The following PPP1R16B variants were observed in gnomAD, a reference collection of about 807,000 sequenced individuals.
PPP1R16B encodes protein phosphatase 1 regulatory subunit 16B.
Under a neutral mutation model 61.7 loss-of-function variants are expected in PPP1R16B, and 14 were observed. The observed-to-expected ratio is 0.23, with a 90% CI of 0.15 to 0.35. PPP1R16B has a LOEUF of 0.35. Among genes scored for constraint, PPP1R16B ranks in the 10% least tolerant of loss-of-function variants. The pLI, the probability that PPP1R16B is intolerant of heterozygous loss-of-function variation, is 1.00. For missense variants in PPP1R16B, 547 were observed against 752.5 expected (o/e 0.73, Z 3.19); for synonymous variants, 266 against 305.3 (o/e 0.87, Z 1.34).
chr20:38,886,542 T>C (rs2085246326), intron 2 of PPP1R16B, among the ~76,000 whole-genome samples: 1 of 152,176 alleles, frequency 6.6e-6, no homozygotes, highest in Non-Finnish European at 1.5e-5. Flanking sequence ...ACTGCTCCTC[T>C]CCCAAAAGCC....
chr20:38,908,666 C>G (rs2085465842), intron 10 of PPP1R16B, among the ~76,000 whole-genome samples: 1 of 152,198 alleles, frequency 6.6e-6, no homozygotes, highest in African/African-American at 2.4e-5. Context: ...CTAGTAGGAC[C>G]TCTGAGAAGC....
intron 3 of PPP1R16B, among the ~76,000 whole-genome samples, chr20:38,890,564 TCTTC>T (rs1271893872): frequency 6.6e-6 from 1 of 152,246 alleles, no homozygotes; most frequent in Non-Finnish European, 1.5e-5. Flanking sequence ...CTGAAGGCCC[TCTTC>T]CTTCGTAATT....
intron 1 of PPP1R16B, among the ~76,000 whole-genome samples, chr20:38,815,984 A>G (rs1479810425): frequency 2.0e-5 from 3 of 152,346 alleles, no homozygotes; most frequent in Middle Eastern, 3.4e-3. Context: ...CTCTATATTC[A>G]TTAATATCAC....
At chr20:38,818,289 C>A (rs1237694930) in intron 1 of PPP1R16B, among the ~76,000 whole-genome samples, 1 of 152,160 alleles carries the variant, frequency 6.6e-6, no homozygotes, top group Non-Finnish European at 1.5e-5. Context: ...ACCTGGCACA[C>A]AGTAGAGTCT....
At chr20:38,861,870 T>C (rs536168107) in intron 2 of PPP1R16B, among the ~76,000 whole-genome samples, 1 of 152,094 alleles carries the variant, frequency 6.6e-6, no homozygotes, top group East Asian at 1.9e-4. Flanking sequence ...AGAGACAGGG[T>C]TTCACCATCT....
At chr20:38,891,838 A>G (rs1323670170) in intron 3 of PPP1R16B, among the ~76,000 whole-genome samples, 4 of 151,894 alleles carry the variant, frequency 2.6e-5, no homozygotes, top group Non-Finnish European at 5.9e-5. Context: ...TCCCTGTTTT[A>G]TGGCTCAGGA....
chr20:38,914,139 C>T (rs1356929295), intron 10 of PPP1R16B, among the ~76,000 whole-genome samples: 2 of 151,164 alleles, frequency 1.3e-5, no homozygotes, highest in East Asian at 1.9e-4. Context: ...GCCAAGATTG[C>T]ACCACTGCAC....
At chr20:38,844,870 C>A (rs974975674) in intron 2 of PPP1R16B, among the ~76,000 whole-genome samples, 4 of 151,926 alleles carry the variant, frequency 2.6e-5, no homozygotes, top group African/African-American at 9.7e-5. Flanking sequence ...GTTTTAATAC[C>A]CTGAAAGAGT....
chr20:38,877,379 G>A (rs765208363), intron 2 of PPP1R16B, among the ~76,000 whole-genome samples: 3 of 150,962 alleles, frequency 2.0e-5, no homozygotes, highest in Non-Finnish European at 2.9e-5. Flanking sequence ...GTGCGACCTC[G>A]GCCCACTGCA....
Position 38,836,136 on chromosome 20 carries a change from G to T in PPP1R16B, c.211G>T (p.Ala71Ser). The T allele has an allele frequency of 6.2e-7, 1 of 1,612,126 alleles. No homozygotes were observed. Among genetic ancestry groups the T allele is most frequent in the Non-Finnish European group, 8.5e-7 (1 of 1,179,840 alleles). The stretch of plus-strand genomic sequence containing the variant: ...GAAAGTGTCCTTCGAGGCCAGCGTG[G>T]CCCTGCTGGAGGCCTCGCTGAGGAA... ...RKKVSFEASVALLEASLRNDA... is the reference protein window; with the variant it reads ...RKKVSFEASVSLLEASLRNDA... Residue 71 changes from alanine (A) to serine (S), a missense_variant, in exon 2 of 11, where the codon GCC (alanine) becomes TCC (serine). By Grantham distance (99) the Ala-to-Ser change is moderately conservative. Transcript: ENST00000299824.
chr20:38,888,221 A>G (rs749328734), intron 2 of PPP1R16B, among the ~76,000 whole-genome samples: 7 of 152,208 alleles, frequency 4.6e-5, no homozygotes, highest in Non-Finnish European at 7.4e-5. Flanking sequence ...AGGGAGCTAG[A>G]CTTGGCTGGG....
rs1038546500 is a variant in PPP1R16B, at chr20:38,891,661, T to C, written c.321+1996T>C. 2.0e-5 allele frequency among the ~76,000 whole-genome samples: 3 copies of C among 152,102 alleles called. No homozygotes were observed. The East Asian group carries it at 5.8e-4, about 29-fold the overall frequency. On this transcript the variant is annotated intron_variant, in intron 3 of 10. Coordinates refer to ENST00000299824, the MANE Select transcript of PPP1R16B (RefSeq NM_015568.4). Reference sequence around the variant, plus strand: ...CTAAAAATACAAAAATTAGCTGGAATTTGGTGGTGAGTGTCTCTAATCCCA... The same window carrying C: ...CTAAAAATACAAAAATTAGCTGGAACTTGGTGGTGAGTGTCTCTAATCCCA...
At chr20:38,882,020 T>C (rs2085206726) in intron 2 of PPP1R16B, among the ~76,000 whole-genome samples, 1 of 152,206 alleles carries the variant, frequency 6.6e-6, no homozygotes, top group Non-Finnish European at 1.5e-5. Context: ...AGTTTTCCCA[T>C]CTGTAAACTG....
intron 2 of PPP1R16B, among the ~76,000 whole-genome samples, chr20:38,865,745 C>T (rs1035560567): frequency 2.6e-5 from 4 of 152,242 alleles, no homozygotes; most frequent in South Asian, 2.1e-4. Context: ...TTCCTATCTC[C>T]GGGTCTCCTG....
At chr20:38,819,405 G>A (rs1030647461) in intron 1 of PPP1R16B, among the ~76,000 whole-genome samples, 3 of 152,130 alleles carry the variant, frequency 2.0e-5, no homozygotes, top group African/African-American at 7.2e-5. Flanking sequence ...GCTGCTTAGG[G>A]AGGCTGAGGC....
chr20:38,861,594 C>A lies in PPP1R16B; in HGVS notation c.250+25419C>A, dbSNP rs113692895. ...TGGGATGGGACATCTTCTTCCCCCC[C>A]ACCCTTCAGCCAGCCTGCATCAATC... On this transcript the variant is annotated intron_variant, in intron 2 of 10. Transcript: ENST00000299824. Among the ~76,000 whole-genome samples the A allele has an allele frequency of 8.9e-4, 136 of 152,270 alleles. No individual in the cohort carries two copies. The East Asian group carries it at 0.013, about 14-fold the overall frequency.
intron 10 of PPP1R16B, among the ~76,000 whole-genome samples, chr20:38,916,902 G>A (rs1455800166): frequency 6.6e-6 from 1 of 151,740 alleles, no homozygotes; most frequent in African/African-American, 2.4e-5. Context: ...GATTAGTGGG[G>A]ATGAATATTA....
At chr20:38,854,151 G>T (rs1240921984) in intron 2 of PPP1R16B, among the ~76,000 whole-genome samples, 1 of 152,164 alleles carries the variant, frequency 6.6e-6, no homozygotes, top group Non-Finnish European at 1.5e-5. Flanking sequence ...ATTGGCTATT[G>T]ATGTCCCTGG....
chr20:38,830,013 G>A (rs1358255604), intron 1 of PPP1R16B, among the ~76,000 whole-genome samples: 1 of 152,248 alleles, frequency 6.6e-6, no homozygotes, highest in Non-Finnish European at 1.5e-5. Context: ...TTTCTCCAGG[G>A]AGCTGGGCAA....
Sources: allele counts gnomAD v4.1 joint callset (sites outside exome capture counted in the v4.1 genomes callset), GRCh38; gene constraint gnomAD v4.1.1; transcripts MANE v1.5; gene names NCBI Gene and HGNC (gene_info 2026-07-23, HGNC 2026-07-21).